The following FGD5 variants were observed in gnomAD, a reference collection of about 807,000 sequenced individuals.
FGD5 encodes FYVE, RhoGEF and PH domain-containing protein 5.
Under a neutral mutation model 133.4 loss-of-function variants are expected in FGD5, and 28 were observed. The observed-to-expected ratio is 0.21, with a 90% CI of 0.16 to 0.29. The LOEUF is 0.29. FGD5 is among the 10% of genes least tolerant of loss of function. The probability of loss-of-function intolerance (pLI) is 1.00; values close to 1 mark genes in which losing one functional copy is unlikely to be tolerated. For synonymous variants in FGD5, 810 were observed against 776.5 expected, an observed-to-expected ratio of 1.04 and a Z score of -0.72; for missense variants, 1,858 against 1,895.2, an observed-to-expected ratio of 0.98 and a Z score of 0.36.
At chr3:14,908,898 A>AT (rs1481980810) in intron 10 of FGD5, among the ~76,000 whole-genome samples, 7 of 151,852 alleles carry the variant, frequency 4.6e-5, no homozygotes, top group Non-Finnish European at 1.0e-4. Flanking sequence ...AAATAAATAA[A>AT]TAAAAATAAT....
chr3:14,816,494 A>C (rs1220995381), upstream of FGD5, among the ~76,000 whole-genome samples: 1 of 152,186 alleles, frequency 6.6e-6, no homozygotes, highest in Non-Finnish European at 1.5e-5. Context: ...TTTAATTTTT[A>C]AAACAATCCA....
chr3:14,922,165 C>G lies in FGD5; in HGVS notation c.3669+148C>G, dbSNP rs2038695799. 9.9e-7 allele frequency: 1 copy of G among 1,011,790 alleles called. No homozygotes were observed. The highest frequency in any genetic ancestry group is 2.6e-5 in the East Asian group (1 of 38,370). 62.7% of individuals were successfully genotyped at this position (1,011,790 alleles called of 1,614,324 possible). ...CCCCCACACCCCTGCCATGCTCCCA[C>G]CCTAGTCAGGGGCGGCCTCCGTGTA... On this transcript the variant is annotated intron_variant, in intron 14 of 19. Coordinates refer to ENST00000285046, the MANE Select transcript of FGD5 (RefSeq NM_152536.4). The surrounding 1 kb of genome is among the most constrained non-coding windows in gnomAD (Gnocchi z 4.1).
At chr3:14,870,419 G>C (rs1254026543) in intron 2 of FGD5, among the ~76,000 whole-genome samples, 1 of 152,164 alleles carries the variant, frequency 6.6e-6, no homozygotes, top group Non-Finnish European at 1.5e-5. Flanking sequence ...TGATACCCAG[G>C]AGCCAGGCTC....
At chr3:14,927,917 G>T (rs1029188773) in intron 18 of FGD5, among the ~76,000 whole-genome samples, 1 of 149,590 alleles carries the variant, frequency 6.7e-6, no homozygotes, top group East Asian at 2.0e-4. Flanking sequence ...AGTGTGTGAC[G>T]CCAGGCCTAG....
At chr3:14,910,044 G>A (rs1202499954) in intron 10 of FGD5, among the ~76,000 whole-genome samples, 7 of 151,908 alleles carry the variant, frequency 4.6e-5, no homozygotes, top group Admixed American at 2.0e-4. Context: ...GATTACAGGC[G>A]TGAGCCACCA....
chr3:14,859,709 A>G (rs1269998845), intron 1 of FGD5, among the ~76,000 whole-genome samples: 1 of 152,190 alleles, frequency 6.6e-6, no homozygotes, highest in Non-Finnish European at 1.5e-5. Context: ...CCCATTCCTC[A>G]TGCCTGTTTG....
intron 11 of FGD5, among the ~76,000 whole-genome samples, chr3:14,911,820 CA>C (rs1029725509): frequency 3.4e-5 from 5 of 149,140 alleles, no homozygotes; most frequent in South Asian, 2.2e-4. Flanking sequence ...TAAGGAGGGC[CA>C]GGGGTGAAGA....
chr3:14,889,247 TC>T (rs2037980372), intron 4 of FGD5, among the ~76,000 whole-genome samples: 1 of 152,196 alleles, frequency 6.6e-6, no homozygotes, highest in South Asian at 2.1e-4. Flanking sequence ...ATTTCCATCA[TC>T]CCAGAAGATT....
chr3:14,857,016 A>G (rs984320809), intron 1 of FGD5, among the ~76,000 whole-genome samples: 1 of 152,214 alleles, frequency 6.6e-6, no homozygotes, highest in East Asian at 1.9e-4. Context: ...TGGATTTATC[A>G]TATATGGCCA....
chr3:14,921,410 G>C (rs1367813307), intron 13 of FGD5: 1 of 159,022 alleles, frequency 6.3e-6, no homozygotes, highest in East Asian at 1.8e-4. Flanking sequence ...AGCCCTCCCT[G>C]GTGCAGAGCA....
chr3:14,880,712 A>C (rs2037808579), intron 3 of FGD5, 30 bp from the exon 4 acceptor site: 1 of 1,613,880 alleles, frequency 6.2e-7, no homozygotes, highest in African/African-American at 1.3e-5. Flanking sequence ...ATGGGGATTA[A>C]TGCAGCCTCA....
intron 1 of FGD5, among the ~76,000 whole-genome samples, chr3:14,839,292 T>C (rs954559538): frequency 2.0e-5 from 3 of 152,212 alleles, no homozygotes; most frequent in Admixed American, 2.0e-4. Context: ...CTCACAGAGC[T>C]GTCGTGAAGG....
intron 2 of FGD5, among the ~76,000 whole-genome samples, chr3:14,878,761 T>G (rs1223164745): frequency 3.5e-5 from 5 of 143,126 alleles, no homozygotes; most frequent in Non-Finnish European, 1.5e-5. Context: ...AGTCTCACAC[T>G]GTCGCCCAGG....
chr3:14,924,884 G>A (rs1207073782), intron 17 of FGD5, among the ~76,000 whole-genome samples: 5 of 152,020 alleles, frequency 3.3e-5, no homozygotes, highest in Non-Finnish European at 5.9e-5. Flanking sequence ...GGCAGATCAC[G>A]AGGTCGGGAG....
intron 17 of FGD5, 143 bp downstream of exon 17, chr3:14,924,281 C>G (rs1166845413): frequency 7.9e-7 from 1 of 1,261,450 alleles, no homozygotes; most frequent in Non-Finnish European, 1.1e-6. Context: ...AGCATCCCAG[C>G]TACGAGGACC....
chr3:14,913,035 CAA>C (rs373126310), intron 11 of FGD5, among the ~76,000 whole-genome samples: 1 of 148,096 alleles, frequency 6.8e-6, no homozygotes, highest in Non-Finnish European at 1.5e-5. Context: ...GATTCCATCT[CAA>C]AAAAAAAAAA....
rs548173677 is a variant in FGD5, at chr3:14,851,730, C to T, written c.2526-12398C>T. Among the ~76,000 whole-genome samples the T allele has an allele frequency of 1.1e-4, 16 of 152,264 alleles. No homozygotes were observed. The South Asian group carries it at 3.3e-3, about 32-fold the overall frequency. ...AAAAGTTTAAATTCCCCCCCACCCCCACTAGACTTCTGAGCCTCACTTGAT... is the reference window on the plus strand; with the variant it reads ...AAAAGTTTAAATTCCCCCCCACCCCTACTAGACTTCTGAGCCTCACTTGAT... On this transcript the variant is annotated intron_variant, in intron 1 of 19. Transcript: ENST00000285046.
In FGD5 at chr3:14,820,914, A is replaced by T. The variant is rs769972101; in HGVS notation, c.1843A>T (p.Ile615Phe). 1.2e-6 allele frequency: 2 copies of T among 1,613,764 alleles called. No homozygotes were observed. Among genetic ancestry groups the T allele is most frequent in the Non-Finnish European group, 1.7e-6 (2 of 1,179,838 alleles). Residue 615 changes from isoleucine (I) to phenylalanine (F), a missense_variant, in exon 1 of 20, where the codon ATC becomes TTC. Ile to Phe is a conservative substitution (Grantham distance 21, BLOSUM62 0). Coordinates refer to ENST00000285046, the MANE Select transcript of FGD5 (RefSeq NM_152536.4). The stretch of plus-strand genomic sequence containing the variant: ...CTCCACGCCTTCTTCCATGGTCGAC[A>T]TCCCACCTCCTTTCGACCTGGCCTG... ...GTSTPSSMVD[I>F]PPPFDLACIT...
chr3:14,878,782 A>G (rs159206), intron 2 of FGD5, among the ~76,000 whole-genome samples: 2,923 of 150,054 alleles, frequency 0.019, 41 homozygotes, highest in South Asian at 0.047. Flanking sequence ...CTGGAGTGCA[A>G]TGGCGCAATC....
Sources: allele counts gnomAD v4.1 joint callset (sites outside exome capture counted in the v4.1 genomes callset), GRCh38; gene constraint gnomAD v4.1.1; non-coding constraint Gnocchi (gnomAD v3.1); transcripts MANE v1.5; gene names NCBI Gene and HGNC (gene_info 2026-07-23, HGNC 2026-07-21).